FBXO34: variants seen among roughly 807,000 people sequenced by gnomAD.
FBXO34 encodes the protein F-box only protein 34.
Under a neutral mutation model 24.5 loss-of-function variants are expected in FBXO34, and 12 were observed. The observed-to-expected ratio is 0.49, with a 90% CI of 0.31 to 0.79. The LOEUF (loss-of-function observed/expected upper bound fraction) is 0.79, where lower values mean the gene tolerates loss of function less well. FBXO34 is among the 30% of genes least tolerant of loss of function. FBXO34 has a pLI of 0.04. For synonymous variants in FBXO34, 320 were observed against 311.9 expected (o/e 1.03, Z -0.27); for missense variants, 823 against 857.7 (o/e 0.96, Z 0.51).
chr14:55,393,114 G>A, the FBXO34 span, among the ~76,000 whole-genome samples: 1 of 152,184 alleles, frequency 6.6e-6, no homozygotes, highest in Non-Finnish European at 1.5e-5. Flanking sequence ...GGGCGCGGTG[G>A]CTCACGCCTG....
downstream of FBXO34, among the ~76,000 whole-genome samples, chr14:55,372,618 C>T (rs997208469): frequency 1.3e-5 from 2 of 151,836 alleles, no homozygotes; most frequent in Admixed American, 6.6e-5. Flanking sequence ...TCCCTCCCTC[C>T]CTTCCTTTCT....
chr14:55,371,814 C>T (rs1255322834), downstream of FBXO34, among the ~76,000 whole-genome samples: 1 of 150,336 alleles, frequency 6.7e-6, no homozygotes, highest in Non-Finnish European at 1.5e-5. Context: ...AAAAAACAAA[C>T]AAAAAAACAA....
At chr14:55,317,263 C>A (rs1186134824) in intron 1 of FBXO34, among the ~76,000 whole-genome samples, 2 of 152,044 alleles carry the variant, frequency 1.3e-5, no homozygotes, top group Non-Finnish European at 2.9e-5. Flanking sequence ...CTAAATGTAA[C>A]AATTATTTAA....
At chr14:55,348,997 C>T (rs777637275) in intron 1 of FBXO34, among the ~76,000 whole-genome samples, 18 of 152,150 alleles carry the variant, frequency 1.2e-4, no homozygotes, top group East Asian at 1.2e-3. Context: ...TGAAACTTCA[C>T]GTGCTTAGAC....
chr14:55,369,946 T>C, downstream of FBXO34: 1 of 1,570,106 alleles, frequency 6.4e-7, no homozygotes, highest in Middle Eastern at 1.7e-4. Flanking sequence ...ACAATGAGGG[T>C]CTCTTTAGGA....
chr14:55,331,727 A>ATATG (rs1160792326), intron 1 of FBXO34, among the ~76,000 whole-genome samples: 5 of 49,800 alleles, frequency 1.0e-4, no homozygotes, highest in African/African-American at 7.9e-4. Context: ...GTATATATAT[A>ATATG]TGTATATATA....
the FBXO34 span, among the ~76,000 whole-genome samples, chr14:55,376,260 CAATA>C: frequency 1.3e-5 from 2 of 152,134 alleles, no homozygotes; most frequent in Admixed American, 1.3e-4. Flanking sequence ...GGCCTTGTGT[CAATA>C]AATAGTGGCC....
chr14:55,302,905 T>C (rs1258009736), intron 1 of FBXO34, among the ~76,000 whole-genome samples: 1 of 152,174 alleles, frequency 6.6e-6, no homozygotes, highest in African/African-American at 2.4e-5. Flanking sequence ...GAACTAGATG[T>C]GTTTCCTTTT....
At chr14:55,360,002 C>T (rs1483113314) in intron 3 of FBXO34, among the ~76,000 whole-genome samples, 1 of 152,002 alleles carries the variant, frequency 6.6e-6, no homozygotes, top group Non-Finnish European at 1.5e-5. Context: ...ATCACTTGGG[C>T]CCAGGACGTC....
At chr14:55,429,520 T>A in the FBXO34 span, among the ~76,000 whole-genome samples, 2 of 152,088 alleles carry the variant, frequency 1.3e-5, no homozygotes, top group African/African-American at 4.8e-5. Flanking sequence ...TCCCAGCACT[T>A]TGGGAGGCTG....
intron 1 of FBXO34, chr14:55,298,786 A>G: frequency 1.2e-6 from 2 of 1,606,468 alleles, no homozygotes; most frequent in African/African-American, 1.3e-5. Flanking sequence ...CACGGCACCA[A>G]AAACAAGCCC....
rs60464365 is a variant in FBXO34 at position 55,284,621 on chromosome 14, C to CTT, written c.-11+13100_-11+13101dup. Reference sequence around the variant, plus strand: ...TTTGTGGTTACCTAAAATTTTGTTACTTTTTTTTTTTTTTTTTGAAACAGG... The same window carrying CTT: ...TTTGTGGTTACCTAAAATTTTGTTACTTTTTTTTTTTTTTTTTTTGAAACAGG... On this transcript the variant is annotated intron_variant, in intron 1 of 1. Coordinates refer to ENST00000313833, the MANE Select transcript of FBXO34 (RefSeq NM_017943.4). Among the ~76,000 whole-genome samples, 8 of 126,402 alleles carry CTT rather than the reference C, an allele frequency of 6.3e-5. 1 individual carries two copies. The highest frequency in any genetic ancestry group is 1.0e-4 in the Non-Finnish European group (6 of 58,736). The allele number at this position is 126,402 out of a possible 152,430, so 82.9% of individuals were successfully genotyped here.
At chr14:55,315,894 T>G (rs972814002) in intron 1 of FBXO34, among the ~76,000 whole-genome samples, 1 of 152,200 alleles carries the variant, frequency 6.6e-6, no homozygotes, top group Non-Finnish European at 1.5e-5. Context: ...GCAACTACTT[T>G]TGCATTATTT....
chr14:55,324,614 T>A (rs1054770243), intron 1 of FBXO34, among the ~76,000 whole-genome samples: 4 of 152,104 alleles, frequency 2.6e-5, no homozygotes, highest in African/African-American at 9.7e-5. Flanking sequence ...AATGATAGAT[T>A]TTTTTTTCTC....
At chr14:55,304,574 C>G (rs974113603) in intron 1 of FBXO34, among the ~76,000 whole-genome samples, 1 of 152,186 alleles carries the variant, frequency 6.6e-6, no homozygotes, top group Non-Finnish European at 1.5e-5. Context: ...GATCTTAGCT[C>G]ATTGTAAGGT....
At chr14:55,442,296 G>A in the FBXO34 span, among the ~76,000 whole-genome samples, 2 of 151,516 alleles carry the variant, frequency 1.3e-5, no homozygotes, top group Admixed American at 6.6e-5. Context: ...GGCCGAGGCA[G>A]GAGAATTTCT....
chr14:55,365,354 T>C (rs534881715), downstream of FBXO34, among the ~76,000 whole-genome samples: 1 of 152,104 alleles, frequency 6.6e-6, no homozygotes, highest in South Asian at 2.1e-4. Flanking sequence ...CATGAACCAC[T>C]GTGCCCCGCC....
the FBXO34 span, among the ~76,000 whole-genome samples, chr14:55,407,427 C>A: frequency 6.6e-6 from 1 of 152,164 alleles, no homozygotes; most frequent in Non-Finnish European, 1.5e-5. Context: ...CTGCCCCCGG[C>A]CTCATTTTTG....
intron 1 of FBXO34, among the ~76,000 whole-genome samples, chr14:55,311,716 CT>C (rs1006797189): frequency 6.6e-6 from 1 of 151,910 alleles, no homozygotes; most frequent in East Asian, 1.9e-4. Flanking sequence ...TCATTAAATC[CT>C]TTTTTTTATT....
Sources: allele counts gnomAD v4.1 joint callset (sites outside exome capture counted in the v4.1 genomes callset), GRCh38; gene constraint gnomAD v4.1.1; transcripts MANE v1.5; gene names NCBI Gene and HGNC (gene_info 2026-07-23, HGNC 2026-07-21).